Variants in LRBA observed in about 807,000 individuals in gnomAD.
LRBA encodes LPS responsive beige-like anchor protein.
Under a neutral mutation model 330.0 loss-of-function variants are expected in LRBA, and 176 were observed. That is an observed-to-expected ratio of 0.53 (90% CI 0.47 to 0.60). The LOEUF (loss-of-function observed/expected upper bound fraction) is 0.60. LRBA is among the 20% of genes least tolerant of loss of function. LRBA has a pLI of 0.00. For missense variants in LRBA, 3,259 were observed against 3,444.8 expected (o/e 0.95, Z 1.35); for synonymous variants, 1,230 against 1,193.0 (o/e 1.03, Z -0.64).
intron 44 of LRBA, among the ~76,000 whole-genome samples, chr4:150,460,465 T>C (rs531574729): frequency 2.0e-5 from 3 of 151,854 alleles, no homozygotes; most frequent in Non-Finnish European, 1.5e-5. Context: ...AATCTACTCT[T>C]TAGAACTATT....
chr4:150,518,393 C>A (rs150485410), intron 40 of LRBA, among the ~76,000 whole-genome samples: 1 of 152,254 alleles, frequency 6.6e-6, no homozygotes, highest in South Asian at 2.1e-4. Flanking sequence ...TTTTTATTTA[C>A]AATTTTCAGT....
chr4:150,316,991 C>T (rs548603733), intron 50 of LRBA, among the ~76,000 whole-genome samples: 29 of 152,170 alleles, frequency 1.9e-4, no homozygotes, highest in African/African-American at 6.5e-4. Context: ...GCTCCTGGAA[C>T]GGTCATGGCC....
chr4:150,921,809 TC>T (rs1303949386), intron 4 of LRBA, among the ~76,000 whole-genome samples: 2 of 152,084 alleles, frequency 1.3e-5, no homozygotes, highest in African/African-American at 4.8e-5. Flanking sequence ...CACCGCAACC[TC>T]CGCCTCCCAG....
chr4:150,844,665 G>A lies in LRBA; in HGVS notation c.4454C>T (p.Ala1485Val), dbSNP rs2126887252. 4 of 1,611,348 alleles carry A rather than the reference G, an allele frequency of 2.5e-6. No homozygotes were observed. Among genetic ancestry groups the A allele is most frequent in the Non-Finnish European group, 3.4e-6 (4 of 1,178,666 alleles). ...MHSLIPLGKS[A>V]AKSPVDIVTG... The stretch of plus-strand genomic sequence containing the variant: ...ATTAATCTGTATACTTACCTTCGCT[G>A]CAGATTTCCCTAAAGGAATAAGGCT... Residue 1485 changes from alanine to valine, a missense_variant, in exon 27 of 57, where the codon GCA (alanine) becomes GTA (valine). Ala to Val is a moderately conservative substitution (Grantham distance 64, BLOSUM62 0). Transcript: ENST00000651943.
At chr4:150,888,664 T>A (rs1057058602) in intron 17 of LRBA, among the ~76,000 whole-genome samples, 3 of 151,824 alleles carry the variant, frequency 2.0e-5, no homozygotes, top group Admixed American at 2.0e-4. Context: ...ACTCAAAATA[T>A]AAATTTTGAG....
Position 150,284,770 on chromosome 4 carries a change from CCCA to C in LRBA, c.8119+1160_8119+1162del, listed in dbSNP as rs557551170. 5.6e-4 allele frequency among the ~76,000 whole-genome samples: 85 copies of C among 152,310 alleles called. 2 individuals carry two copies. In the South Asian group the frequency reaches 0.016, roughly 29 times the overall value. The stretch of plus-strand genomic sequence containing the variant: ...TGAACTCCTGGCCTCAAATGATCTT[CCCA>C]CCTTAGCCTCCCAAAATGTTGGGAT... On this transcript the variant is annotated intron_variant, in intron 54 of 56. Coordinates refer to ENST00000651943, the MANE Select transcript of LRBA (RefSeq NM_001364905.1).
At chr4:150,670,542 C>G (rs1459784727) in intron 37 of LRBA, among the ~76,000 whole-genome samples, 3 of 152,098 alleles carry the variant, frequency 2.0e-5, no homozygotes, top group African/African-American at 7.2e-5. Flanking sequence ...CCAAAAAGAT[C>G]TAGTTTTTTA....
At chr4:150,487,148 T>C (rs1757976890) in intron 42 of LRBA, among the ~76,000 whole-genome samples, 1 of 151,634 alleles carries the variant, frequency 6.6e-6, no homozygotes, top group Admixed American at 6.6e-5. Context: ...GTTAGATATA[T>C]ACCCAGTAGT....
At chr4:150,348,643 T>G (rs78211289) in intron 48 of LRBA, among the ~76,000 whole-genome samples, 1 of 152,152 alleles carries the variant, frequency 6.6e-6, no homozygotes, top group African/African-American at 2.4e-5. Context: ...ATATCAGCTA[T>G]GTAGAGATAT....
chr4:150,778,026 T>C (rs1013402461), intron 34 of LRBA, among the ~76,000 whole-genome samples: 31 of 139,762 alleles, frequency 2.2e-4, no homozygotes, highest in Admixed American at 4.2e-4. Context: ...ATGCTCAAGA[T>C]ACAGTAATCT....
intron 36 of LRBA, among the ~76,000 whole-genome samples, chr4:150,727,807 C>T (rs995905862): frequency 2.6e-5 from 4 of 151,544 alleles, no homozygotes; most frequent in African/African-American, 7.3e-5. Context: ...TCTTAAAGAA[C>T]TAGAAAAGTA....
intron 33 of LRBA, among the ~76,000 whole-genome samples, chr4:150,803,886 G>T (rs1742150633): frequency 6.6e-6 from 1 of 151,990 alleles, no homozygotes; most frequent in South Asian, 2.1e-4. Flanking sequence ...CAGGGATATA[G>T]AAGTGTCCAT....
intron 34 of LRBA, among the ~76,000 whole-genome samples, chr4:150,776,837 A>G (rs1737400717): frequency 6.6e-6 from 1 of 152,176 alleles, no homozygotes. Flanking sequence ...AATAAATCAT[A>G]TGCCCTAAAT....
chr4:150,715,650 T>C (rs1220853468), intron 36 of LRBA, among the ~76,000 whole-genome samples: 1 of 152,212 alleles, frequency 6.6e-6, no homozygotes, highest in African/African-American at 2.4e-5. Context: ...GTGTGCACAA[T>C]TGCCAAGTGT....
intron 50 of LRBA, among the ~76,000 whole-genome samples, chr4:150,319,904 T>C (rs536241494): frequency 5.9e-5 from 9 of 152,324 alleles, no homozygotes; most frequent in African/African-American, 1.9e-4. Context: ...TTTGCAACCA[T>C]TTCAGGTATT....
chr4:150,615,343 G>A (rs932730484), intron 37 of LRBA, among the ~76,000 whole-genome samples: 4 of 152,176 alleles, frequency 2.6e-5, no homozygotes, highest in Non-Finnish European at 4.4e-5. Flanking sequence ...ATGTTTTAAC[G>A]TGATCACTCC....
intron 47 of LRBA, among the ~76,000 whole-genome samples, chr4:150,404,320 G>T (rs961982525): frequency 6.6e-6 from 1 of 152,204 alleles, no homozygotes; most frequent in Non-Finnish European, 1.5e-5. Context: ...AATTGGGAAA[G>T]AATATATAGG....
intron 36 of LRBA, among the ~76,000 whole-genome samples, chr4:150,724,079 A>G (rs1378781862): frequency 6.6e-6 from 1 of 152,220 alleles, no homozygotes; most frequent in Non-Finnish European, 1.5e-5. Flanking sequence ...GTTTAACTCC[A>G]GTCCCTGGCT....
At chr4:150,805,299 G>GAAAGGAAAGGAAAGA (rs1742460342) in intron 33 of LRBA, among the ~76,000 whole-genome samples, 1 of 107,308 alleles carries the variant, frequency 9.3e-6, no homozygotes, top group Admixed American at 9.6e-5. Context: ...GAAAGGAAAG[G>GAAAGGAAAGGAAAGA]AAAGGAAAGG....
Sources: allele counts gnomAD v4.1 joint callset (sites outside exome capture counted in the v4.1 genomes callset), GRCh38; gene constraint gnomAD v4.1.1; transcripts MANE v1.5; gene names NCBI Gene and HGNC (gene_info 2026-07-23, HGNC 2026-07-21).